The following MTHFD1 variants were observed in gnomAD, a reference collection of about 807,000 sequenced individuals.
MTHFD1 encodes the protein C-1-tetrahydrofolate synthase, cytoplasmic.
In MTHFD1, 44 loss-of-function variants were observed where a neutral mutation model predicts 110.3. That is an observed-to-expected ratio of 0.40 (90% CI 0.31 to 0.51). MTHFD1 has a LOEUF of 0.51. Among genes scored for constraint, MTHFD1 ranks in the 20% least tolerant of loss-of-function variants. The probability of loss-of-function intolerance (pLI) is 0.60; values close to 1 mark genes in which losing one functional copy is unlikely to be tolerated. For missense variants in MTHFD1, 909 were observed against 1,173.1 expected (o/e 0.77, Z 3.29); for synonymous variants, 402 against 428.8 (o/e 0.94, Z 0.77).
intron 1 of MTHFD1, among the ~76,000 whole-genome samples, chr14:64,395,231 T>C (rs1399892493): frequency 6.6e-6 from 1 of 152,280 alleles, no homozygotes; most frequent in African/African-American, 2.4e-5. Context: ...CTTACAGAAT[T>C]AGATTACTTC....
chr14:64,427,200 C>A, intron 11 of MTHFD1, 137 bp from the exon 12 acceptor site: 1 of 963,786 alleles, frequency 1.0e-6, no homozygotes, highest in Non-Finnish European at 1.6e-6. Context: ...GGACTACAGG[C>A]ATACACTGCT....
chr14:64,403,538 G>T (rs2077914783), intron 2 of MTHFD1, among the ~76,000 whole-genome samples: 2 of 152,024 alleles, frequency 1.3e-5, no homozygotes, highest in Admixed American at 6.6e-5. Flanking sequence ...AAAGTGCTGA[G>T]ATTACAGGTG....
rs183656455 is a variant in MTHFD1 at position 64,454,701 on chromosome 14, C to T, written c.2566-22C>T. On this transcript the variant is annotated intron_variant, in intron 25 of 27. Transcript: ENST00000652337. ...GTTGTCATCTTTTCATTTGTCCTCC[C>T]TCTCTTCCCTTCTTTCCCCAGGGCT... The T allele has an allele frequency of 3.8e-4, 610 of 1,606,664 alleles. 1 individual carries two copies. The African/African-American group carries it at 6.9e-3, about 18-fold the overall frequency.
At chr14:64,416,375 A>G (rs113725166) in intron 6 of MTHFD1, among the ~76,000 whole-genome samples, 2 of 152,174 alleles carry the variant, frequency 1.3e-5, no homozygotes, top group Admixed American at 6.5e-5. Flanking sequence ...TTTAACCTAT[A>G]CAGTAATAAA....
intron 22 of MTHFD1, chr14:64,444,954 C>T (rs1313626350): frequency 5.1e-6 from 3 of 582,822 alleles, no homozygotes; most frequent in East Asian, 6.1e-5. Flanking sequence ...CAATAAGCCA[C>T]TGCCCTAGAC....
At chr14:64,406,394 G>A (rs895321427) in intron 2 of MTHFD1, among the ~76,000 whole-genome samples, 11 of 151,534 alleles carry the variant, frequency 7.3e-5, no homozygotes, top group African/African-American at 2.7e-4. Flanking sequence ...ACTGTGTTTT[G>A]ACTGTAAGCC....
intron 1 of MTHFD1, among the ~76,000 whole-genome samples, chr14:64,395,718 G>A (rs931430010): frequency 1.3e-5 from 2 of 152,064 alleles, no homozygotes; most frequent in Non-Finnish European, 2.9e-5. Flanking sequence ...TATGCTATTG[G>A]CATCTAGCAG....
At chr14:64,411,468 G>A (rs770081658) in intron 3 of MTHFD1, among the ~76,000 whole-genome samples, 12 of 152,174 alleles carry the variant, frequency 7.9e-5, no homozygotes, top group African/African-American at 2.2e-4. Flanking sequence ...ACCTTTCTCC[G>A]AAGATGATTT....
rs1395177460 is a variant in MTHFD1 at position 64,415,624 on chromosome 14, C to T, written c.378-15C>T. 1.2e-6 allele frequency: 2 copies of T among 1,612,762 alleles called. No homozygotes were observed. The highest frequency in any genetic ancestry group is 3.3e-5 in the Admixed American group (2 of 59,974). On this transcript the variant is annotated splice_polypyrimidine_tract_variant and intron_variant, in intron 5 of 27. Transcript: ENST00000652337. Reference sequence around the variant, plus strand: ...ATTGCCTTTATTTCCTTCTTATTTCCATCACTTTTTTAAGATTGACTAGCA... The same window carrying T: ...ATTGCCTTTATTTCCTTCTTATTTCTATCACTTTTTTAAGATTGACTAGCA...
intron 8 of MTHFD1, 82 bp from the exon 9 acceptor site, chr14:64,424,722 A>G (rs2078105686): frequency 6.6e-7 from 1 of 1,519,234 alleles, no homozygotes; most frequent in African/African-American, 1.4e-5. Context: ...CACACCCTAC[A>G]ATTCTGCTGA....
intron 26 of MTHFD1, among the ~76,000 whole-genome samples, chr14:64,457,038 GA>G (rs1169848474): frequency 6.6e-6 from 1 of 152,158 alleles, no homozygotes; most frequent in East Asian, 1.9e-4. Flanking sequence ...CGAGTCTTTA[GA>G]AAAGTAGTGA....
chr14:64,440,571 C>A, intron 18 of MTHFD1: 1 of 410,108 alleles, frequency 2.4e-6, no homozygotes, highest in Non-Finnish European at 4.6e-6. Context: ...ATCAAGAGTA[C>A]CATTGCTTTA....
chr14:64,449,780 G>T, intron 24 of MTHFD1, 158 bp downstream of exon 24: 1 of 821,734 alleles, frequency 1.2e-6, no homozygotes, highest in South Asian at 1.5e-5. Context: ...TGGACTCCCA[G>T]CTGTAGACAG....
intron 2 of MTHFD1, among the ~76,000 whole-genome samples, chr14:64,407,464 C>CA (rs773866589): frequency 0.078 from 9,160 of 116,982 alleles, 486 homozygotes; most frequent in African/African-American, 0.18. Flanking sequence ...GACTTTGTCT[C>CA]AAAAAAAAAA....
intron 22 of MTHFD1, among the ~76,000 whole-genome samples, chr14:64,447,149 CTTTTTTTTTTT>C (rs35824559): frequency 5.3e-5 from 3 of 56,228 alleles, no homozygotes; most frequent in African/African-American, 1.6e-4. Flanking sequence ...CAGCTCAGTT[CTTTTTTTTTTT>C]TTTTTTTTTT....
At position 64,421,872 on chromosome 14, in the gene MTHFD1, A is replaced by G. The variant is rs536855363; in HGVS notation, c.727+1947A>G. On this transcript the variant is annotated intron_variant, in intron 8 of 27. Coordinates refer to ENST00000652337, the MANE Select transcript of MTHFD1 (RefSeq NM_005956.4). The stretch of plus-strand genomic sequence containing the variant: ...GATCTCCTGACCTCGTGATCCGCCC[A>G]CCTTTGCCTCCCAAAGTGCTGGGAT... Among the ~76,000 whole-genome samples the G allele has an allele frequency of 2.2e-4, 34 of 152,070 alleles. No individual in the cohort carries two copies. In the East Asian group the frequency reaches 3.9e-3, roughly 17 times the overall value.
In MTHFD1 at chr14:64,424,909, T is replaced by C. The variant is rs576839364; in HGVS notation, c.833T>C (p.Met278Thr). 6.2e-7 allele frequency: 1 copy of C among 1,614,224 alleles called. No individual in the cohort carries two copies. The highest frequency in any genetic ancestry group is 2.2e-5 in the East Asian group (1 of 44,886). The change falls in exon 9 of 28, where the codon ATG (methionine) becomes ACG (threonine). Residue 278 changes from methionine to threonine, a missense_variant. Physicochemically the swap from Met to Thr is moderately conservative, Grantham distance 81. This residue lies in a region of MTHFD1 where 424 missense variants were observed against 510.4 expected (regional missense o/e 0.83). Transcript: ENST00000652337. ...ITPVPGGVGPMTVAMLMQSTV... is the reference protein window; with the variant it reads ...ITPVPGGVGPTTVAMLMQSTV... ...CCTGTTCCTGGCGGCGTAGGGCCCA[T>C]GACAGTTGCAATGCTCATGCAGGTA...
rs747933171 is a variant in MTHFD1, at chr14:64,411,114, CTT to C, written c.153_154del (p.Ile53LysfsTer8). 5.0e-6 allele frequency: 8 copies of C among 1,612,968 alleles called. No homozygotes were observed. Among genetic ancestry groups the C allele is most frequent in the Non-Finnish European group, 6.8e-6 (8 of 1,179,440 alleles). On this transcript the variant is annotated frameshift_variant, in exon 3 of 28. Coordinates refer to ENST00000652337, the MANE Select transcript of MTHFD1 (RefSeq NM_005956.4). LOFTEE classifies it high-confidence loss of function. Reference sequence around the variant, plus strand: ...GGTTGGCAACAGAGATGATTCCAATCTTTATATAAATGTGAAGCTGAAGGCTG... The same window carrying C: ...GGTTGGCAACAGAGATGATTCCAATCTATATAAATGTGAAGCTGAAGGCTG... ...LQVGNRDDSN[L>X]YINVKLKAAE...
chr14:64,441,586 C>G (rs967181458), intron 19 of MTHFD1, 133 bp downstream of exon 19: 2 of 754,942 alleles, frequency 2.6e-6, no homozygotes, highest in South Asian at 2.9e-5. Context: ...GTGGGCAGAT[C>G]ACAAGGTCAG....
Sources: allele counts gnomAD v4.1 joint callset (sites outside exome capture counted in the v4.1 genomes callset), GRCh38; gene constraint gnomAD v4.1.1; regional missense constraint gnomAD v4.1.1; transcripts MANE v1.5; gene names NCBI Gene and HGNC (gene_info 2026-07-23, HGNC 2026-07-21).